Variants in FCHO2 observed in about 807,000 individuals in gnomAD.
The protein encoded by FCHO2 is FCH and mu domain containing endocytic adaptor 2.
FCHO2 carries 43 observed loss-of-function variants against 114.1 expected under a neutral mutation model. The observed-to-expected ratio is 0.38, with a 90% CI of 0.30 to 0.49. The LOEUF is 0.49. Ranked by LOEUF, FCHO2 falls within the 20% of genes least tolerant of loss-of-function variation. The pLI is 0.97. For synonymous variants in FCHO2, 293 were observed against 315.2 expected (o/e 0.93, Z 0.75); for missense variants, 807 against 950.4 (o/e 0.85, Z 1.98).
At chr5:72,994,012 A>G (rs1455752071) in intron 5 of FCHO2, among the ~76,000 whole-genome samples, 1 of 152,192 alleles carries the variant, frequency 6.6e-6, no homozygotes. Flanking sequence ...CTTAAATGTA[A>G]AACCCAAAAC....
At chr5:72,994,176 A>G (rs1015219958) in intron 5 of FCHO2, among the ~76,000 whole-genome samples, 2 of 152,242 alleles carry the variant, frequency 1.3e-5, no homozygotes, top group Non-Finnish European at 2.9e-5. Flanking sequence ...CAGCAAAAGA[A>G]ACTATCAAAA....
intron 24 of FCHO2, among the ~76,000 whole-genome samples, chr5:73,083,957 C>T (rs1028068528): frequency 1.3e-5 from 2 of 150,910 alleles, no homozygotes; most frequent in Non-Finnish European, 2.9e-5. Flanking sequence ...TTTTTCCTGT[C>T]CATTTCCCCC....
chr5:73,041,262 TG>T, intron 10 of FCHO2, 28 bp from the exon 11 acceptor site: 1 of 1,420,642 alleles, frequency 7.0e-7, no homozygotes, highest in Non-Finnish European at 9.9e-7. Context: ...TTCTAATTAT[TG>T]AGTATTTCTG....
Position 72,995,829 on chromosome 5 carries a change from A to G in FCHO2, c.495+4965A>G, listed in dbSNP as rs138520631. ...ATCTATTTATGAGGGCAGAGCCTTC[A>G]TGACCGACTCATCTATTAAAGGTCC... is the stretch of plus-strand genomic sequence containing the variant. On this transcript the variant is annotated intron_variant, in intron 5 of 25. Transcript: ENST00000430046. Among the ~76,000 whole-genome samples the G allele has an allele frequency of 3.5e-3, 539 of 152,258 alleles. 5 individuals are homozygous for G. Among genetic ancestry groups the G allele is most frequent in the African/African-American group, 0.013 (525 of 41,544 alleles).
At chr5:73,082,322 A>G (rs1400392160) in intron 23 of FCHO2, among the ~76,000 whole-genome samples, 1 of 150,816 alleles carries the variant, frequency 6.6e-6, no homozygotes, top group African/African-American at 2.4e-5. Flanking sequence ...AGCATCTGGC[A>G]AGTCTATAGG....
At chr5:73,029,234 G>A (rs1277134401) in intron 8 of FCHO2, among the ~76,000 whole-genome samples, 1 of 152,166 alleles carries the variant, frequency 6.6e-6, no homozygotes, top group Non-Finnish European at 1.5e-5. Flanking sequence ...GTAACTGAAA[G>A]GATATGGTTG....
intron 5 of FCHO2, among the ~76,000 whole-genome samples, chr5:72,993,445 G>GT (rs963058580): frequency 5.9e-5 from 9 of 152,278 alleles, no homozygotes; most frequent in Admixed American, 5.2e-4. Flanking sequence ...TATTTGAAGA[G>GT]TTAACAGCTC....
chr5:73,047,695 A>G (rs1266213851), intron 11 of FCHO2, among the ~76,000 whole-genome samples: 1 of 152,230 alleles, frequency 6.6e-6, no homozygotes, highest in East Asian at 1.9e-4. Flanking sequence ...TAGTGTTTAT[A>G]TATAACCCAC....
At chr5:73,030,757 T>C (rs1196999001) in intron 8 of FCHO2, among the ~76,000 whole-genome samples, 2 of 152,220 alleles carry the variant, frequency 1.3e-5, no homozygotes, top group Non-Finnish European at 2.9e-5. Context: ...GTTTAACAAG[T>C]TCTCCAGGTG....
rs1050013131 is a variant in FCHO2 at position 72,959,485 on chromosome 5, C to T, written c.33+3356C>T. 9.9e-5 allele frequency among the ~76,000 whole-genome samples: 15 copies of T among 151,824 alleles called. No individual in the cohort carries two copies. The East Asian group carries it at 2.9e-3, about 29-fold the overall frequency. ...ATTGGTCACTGTACTCCAGCCTGGG[C>T]AACAGAGTGAGACCCTGTCTCAAAA... On this transcript the variant is annotated intron_variant, in intron 1 of 25. Transcript: ENST00000430046.
chr5:73,065,774 T>C (rs998518429), intron 18 of FCHO2, among the ~76,000 whole-genome samples: 1 of 152,018 alleles, frequency 6.6e-6, no homozygotes, highest in East Asian at 1.9e-4. Context: ...GGGATACAAG[T>C]GCAGATTTCT....
chr5:73,065,659 T>A (rs1037451371), intron 18 of FCHO2, among the ~76,000 whole-genome samples: 4 of 152,086 alleles, frequency 2.6e-5, no homozygotes, highest in South Asian at 2.1e-4. Context: ...GGCATATTTT[T>A]AAATAAAAAG....
At chr5:73,059,759 T>TA (rs1757766250) in intron 17 of FCHO2, among the ~76,000 whole-genome samples, 1 of 152,036 alleles carries the variant, frequency 6.6e-6, no homozygotes, top group Admixed American at 6.6e-5. Flanking sequence ...GAAGTGGCTT[T>TA]ATAGCCTTTC....
intron 23 of FCHO2, 65 bp downstream of exon 23, chr5:73,082,047 C>G: frequency 7.5e-7 from 1 of 1,327,170 alleles, no homozygotes; most frequent in South Asian, 2.2e-5. Flanking sequence ...CTTCTAGAAC[C>G]CAAGTTCTGT....
intron 9 of FCHO2, among the ~76,000 whole-genome samples, chr5:73,036,891 GGAAAA>G (rs1319357794): frequency 1.3e-5 from 2 of 152,032 alleles, no homozygotes; most frequent in Admixed American, 6.6e-5. Flanking sequence ...GGGAGGCTTA[GGAAAA>G]GAAAAGAAAA....
At chr5:72,963,907 T>G (rs966173312) in intron 1 of FCHO2, among the ~76,000 whole-genome samples, 1,545 of 135,746 alleles carry the variant, frequency 0.011, 27 homozygotes, top group African/African-American at 0.041. Context: ...TTTCAGTTTT[T>G]TTTTTTTTTT....
chr5:73,055,665 A>G (rs1405382992), intron 15 of FCHO2, among the ~76,000 whole-genome samples: 3 of 152,218 alleles, frequency 2.0e-5, no homozygotes, highest in East Asian at 3.8e-4. Flanking sequence ...CTTTTTGTCA[A>G]TACAATAATC....
chr5:73,063,027 A>T (rs1757920965), intron 17 of FCHO2, among the ~76,000 whole-genome samples: 1 of 152,090 alleles, frequency 6.6e-6, no homozygotes, highest in Non-Finnish European at 1.5e-5. Flanking sequence ...TTTATTAATG[A>T]TTATTAAACA....
At chr5:73,052,204 T>A in intron 12 of FCHO2, 128 bp from the exon 13 acceptor site, 1 of 896,480 alleles carries the variant, frequency 1.1e-6, no homozygotes, top group Admixed American at 2.9e-5. Context: ...ATTACAGGCG[T>A]GAGCCGTCGC....
Sources: allele counts gnomAD v4.1 joint callset (sites outside exome capture counted in the v4.1 genomes callset), GRCh38; gene constraint gnomAD v4.1.1; transcripts MANE v1.5; gene names NCBI Gene and HGNC (gene_info 2026-07-23, HGNC 2026-07-21).